Variants in NRXN3 observed in about 807,000 individuals in gnomAD.
NRXN3 encodes the protein neurexin 3.
Under a neutral mutation model 137.6 loss-of-function variants are expected in NRXN3, and 32 were observed. The observed-to-expected ratio is 0.23, with a 90% CI of 0.18 to 0.31. The LOEUF (loss-of-function observed/expected upper bound fraction) is 0.31, where lower values mean the gene tolerates loss of function less well. NRXN3 is among the 10% of genes least tolerant of loss of function. The pLI, the probability that NRXN3 is intolerant of heterozygous loss-of-function variation, is 1.00. For missense variants in NRXN3, 1,574 were observed against 2,062.5 expected, an observed-to-expected ratio of 0.76 and a Z score of 4.59; for synonymous variants, 798 against 784.5, an observed-to-expected ratio of 1.02 and a Z score of -0.29.
At chr14:79,344,029 G>A (rs2092745778) in intron 15 of NRXN3, among the ~76,000 whole-genome samples, 1 of 152,212 alleles carries the variant, frequency 6.6e-6, no homozygotes, top group Non-Finnish European at 1.5e-5. Flanking sequence ...ATGGAAGTCA[G>A]TGGAATAAAA....
At chr14:78,263,336 G>GA (rs2071099141) in intron 2 of NRXN3, among the ~76,000 whole-genome samples, 1 of 151,996 alleles carries the variant, frequency 6.6e-6, no homozygotes. Flanking sequence ...TCATTTATCA[G>GA]AAAAAATTGC....
chr14:78,944,026 G>A (rs1261374728), intron 10 of NRXN3, among the ~76,000 whole-genome samples: 3 of 151,990 alleles, frequency 2.0e-5, no homozygotes, highest in East Asian at 3.9e-4. Context: ...TGAGTTACAG[G>A]TTTGGTTAGG....
At chr14:79,111,053 G>C (rs888213724) in intron 15 of NRXN3, among the ~76,000 whole-genome samples, 52 of 152,076 alleles carry the variant, frequency 3.4e-4, no homozygotes, top group Admixed American at 3.4e-3. Flanking sequence ...GCCTCCCAAA[G>C]TGCTGGGAGT....
intron 10 of NRXN3, among the ~76,000 whole-genome samples, chr14:78,839,577 C>A (rs10459553): frequency 0.057 from 8,651 of 152,182 alleles, 379 homozygotes; most frequent in East Asian, 0.25. Context: ...GGACTGCACA[C>A]CCCTTGGGGC....
At chr14:78,345,561 C>A (rs1038550147) in intron 4 of NRXN3, among the ~76,000 whole-genome samples, 4 of 152,158 alleles carry the variant, frequency 2.6e-5, no homozygotes, top group African/African-American at 9.7e-5. Context: ...GAGGCTCAGA[C>A]AAAGGGGCAG....
At chr14:78,713,527 A>C (rs1210800213) in intron 7 of NRXN3, among the ~76,000 whole-genome samples, 2 of 152,196 alleles carry the variant, frequency 1.3e-5, no homozygotes, top group African/African-American at 4.8e-5. Context: ...TCTTCATAGC[A>C]ACTGCCCTTA....
intron 16 of NRXN3, among the ~76,000 whole-genome samples, chr14:79,582,936 G>A (rs551555053): frequency 3.3e-5 from 5 of 152,126 alleles, no homozygotes; most frequent in South Asian, 4.1e-4. Flanking sequence ...GATAGTAAAC[G>A]TCCTGACAAG....
chr14:78,558,383 A>C (rs953300960), intron 4 of NRXN3, among the ~76,000 whole-genome samples: 3 of 152,206 alleles, frequency 2.0e-5, no homozygotes, highest in Admixed American at 2.0e-4. Flanking sequence ...ATGAAAACCC[A>C]TGTATTAAAG....
At chr14:78,502,964 C>T (rs1599568909) in intron 4 of NRXN3, among the ~76,000 whole-genome samples, 2 of 152,240 alleles carry the variant, frequency 1.3e-5, no homozygotes, top group South Asian at 2.1e-4. Context: ...TTGTGAAGTA[C>T]TGTTTTTGCA....
chr14:79,300,634 A>G (rs2084978794), intron 15 of NRXN3, among the ~76,000 whole-genome samples: 1 of 151,984 alleles, frequency 6.6e-6, no homozygotes, highest in African/African-American at 2.4e-5. Context: ...CCTCCCAGAG[A>G]GGTATATAAC....
At chr14:78,975,378 C>G (rs2099461370) in intron 14 of NRXN3, among the ~76,000 whole-genome samples, 1 of 152,052 alleles carries the variant, frequency 6.6e-6, no homozygotes, top group African/African-American at 2.4e-5. Flanking sequence ...GAGAGCTTGG[C>G]TTAATTGGGA....
At chr14:79,607,015 G>C (rs932858327) in intron 16 of NRXN3, among the ~76,000 whole-genome samples, 1 of 152,170 alleles carries the variant, frequency 6.6e-6, no homozygotes, top group East Asian at 1.9e-4. Context: ...AAACTTCTGT[G>C]TAAGTTTCAC....
chr14:79,077,017 C>A (rs1042245005), intron 15 of NRXN3, among the ~76,000 whole-genome samples: 8 of 152,152 alleles, frequency 5.3e-5, no homozygotes, highest in African/African-American at 1.9e-4. Flanking sequence ...TGGTGTTATC[C>A]TTTCTGGACA....
chr14:79,091,220 G>A (rs532151224), intron 15 of NRXN3, among the ~76,000 whole-genome samples: 1 of 151,956 alleles, frequency 6.6e-6, no homozygotes, highest in South Asian at 2.1e-4. Flanking sequence ...TTATTGCCTG[G>A]TACATAGTTA....
intron 15 of NRXN3, among the ~76,000 whole-genome samples, chr14:79,096,608 TAA>T (rs56223095): frequency 2.5e-4 from 38 of 149,044 alleles, no homozygotes; most frequent in East Asian, 3.9e-4. Context: ...TGTGTAAAAA[TAA>T]AAAAAAAAAA....
intron 17 of NRXN3, among the ~76,000 whole-genome samples, chr14:79,674,745 T>G (rs2098631454): frequency 6.6e-6 from 1 of 152,118 alleles, no homozygotes; most frequent in Non-Finnish European, 1.5e-5. Flanking sequence ...ATTAAACATT[T>G]ACTAGAAATG....
Position 79,274,621 on chromosome 14 carries a change from G to GA in NRXN3, c.3263-192587dup, listed in dbSNP as rs35651800. ...TTAAGCCCTGCCTTTGAGTAAAAGA[G>GA]AAAAAAAAAAAAATGCTTCTATATT... On this transcript the variant is annotated intron_variant, in intron 15 of 20. Coordinates refer to ENST00000335750, the MANE Select transcript of NRXN3 (RefSeq NM_001330195.2). 1.5e-3 allele frequency among the ~76,000 whole-genome samples: 200 copies of GA among 134,632 alleles called. 2 individuals are homozygous for GA. The Middle Eastern group carries it at 0.016, about 11-fold the overall frequency. 88.3% of individuals were successfully genotyped at this position (134,632 alleles called of 152,430 possible).
chr14:78,374,238 G>T (rs969629369), intron 4 of NRXN3, among the ~76,000 whole-genome samples: 1 of 152,178 alleles, frequency 6.6e-6, no homozygotes, highest in African/African-American at 2.4e-5. Context: ...GGTTGAGCTA[G>T]AAGTGTTTAT....
chr14:79,851,862 G>A (rs1208354376), intron 20 of NRXN3, among the ~76,000 whole-genome samples: 1 of 151,986 alleles, frequency 6.6e-6, no homozygotes, highest in East Asian at 1.9e-4. Context: ...AAACCTTATT[G>A]GCATAGTTTT....
Sources: allele counts gnomAD v4.1 joint callset (sites outside exome capture counted in the v4.1 genomes callset), GRCh38; gene constraint gnomAD v4.1.1; transcripts MANE v1.5; gene names NCBI Gene and HGNC (gene_info 2026-07-23, HGNC 2026-07-21).